Variants in AUTS2 observed in about 807,000 individuals in gnomAD.
AUTS2 encodes the protein autism susceptibility gene 2 protein.
A neutral mutation model predicts 112.4 loss-of-function variants in AUTS2; 17 were observed. That is an observed-to-expected ratio of 0.15 (90% confidence interval 0.10 to 0.23). The LOEUF (loss-of-function observed/expected upper bound fraction) is 0.23. Among genes scored for constraint, AUTS2 ranks in the 10% least tolerant of loss-of-function variants. AUTS2 has a pLI of 1.00. For synonymous variants in AUTS2, 751 were observed against 702.7 expected (o/e 1.07, Z -1.09); for missense variants, 1,510 against 1,701.6 (o/e 0.89, Z 1.98).
intron 1 of AUTS2, among the ~76,000 whole-genome samples, chr7:69,688,144 G>T (rs1797145927): frequency 6.6e-6 from 1 of 152,184 alleles, no homozygotes; most frequent in African/African-American, 2.4e-5. Context: ...AAACAGCCTG[G>T]GTAGGGAGTG....
At chr7:69,698,746 T>G (rs1263415372) in intron 1 of AUTS2, among the ~76,000 whole-genome samples, 2 of 152,170 alleles carry the variant, frequency 1.3e-5, no homozygotes, top group Non-Finnish European at 2.9e-5. Context: ...GGTTGTATTT[T>G]GAGATTTTTA....
At chr7:69,939,060 T>C (rs1796524782) in intron 2 of AUTS2, among the ~76,000 whole-genome samples, 1 of 152,222 alleles carries the variant, frequency 6.6e-6, no homozygotes, top group Non-Finnish European at 1.5e-5. Context: ...TCTTAGACCA[T>C]ATTTGCACAG....
chr7:69,844,795 C>A (rs1792123795), intron 1 of AUTS2, among the ~76,000 whole-genome samples: 1 of 152,134 alleles, frequency 6.6e-6, no homozygotes, highest in Admixed American at 6.5e-5. Flanking sequence ...ATTTAGGAAT[C>A]TTAATCCCTC....
At chr7:69,774,315 G>A (rs564250063) in intron 1 of AUTS2, among the ~76,000 whole-genome samples, 4 of 152,272 alleles carry the variant, frequency 2.6e-5, no homozygotes, top group East Asian at 3.9e-4. Context: ...TAGGAGGATC[G>A]CTTGAACCCA....
intron 5 of AUTS2, among the ~76,000 whole-genome samples, chr7:70,520,307 C>G (rs1799590950): frequency 6.6e-6 from 1 of 152,230 alleles, no homozygotes; most frequent in African/African-American, 2.4e-5. Context: ...AAACCCAAGT[C>G]TGTTGCTGTG....
intron 2 of AUTS2, among the ~76,000 whole-genome samples, chr7:69,947,835 A>T (rs1796875721): frequency 6.6e-6 from 1 of 152,144 alleles, no homozygotes; most frequent in African/African-American, 2.4e-5. Flanking sequence ...TATCTCATTG[A>T]TCTAAGGTAG....
intron 1 of AUTS2, among the ~76,000 whole-genome samples, chr7:69,829,706 G>A (rs1791413811): frequency 6.6e-6 from 1 of 152,160 alleles, no homozygotes; most frequent in Non-Finnish European, 1.5e-5. Context: ...TGCCAAGTCA[G>A]AATGGCCATT....
rs562051256 is a variant in AUTS2, at chr7:70,641,017, T to G, written c.691-57552T>G. On this transcript the variant is annotated intron_variant, in intron 5 of 18. Coordinates refer to ENST00000342771, the MANE Select transcript of AUTS2 (RefSeq NM_015570.4). ...CCATTCAAAGTCATCCACAGTTGCT[T>G]CTTTTTCTCTCTCATTGGTCTAATC... Among the ~76,000 whole-genome samples the G allele has an allele frequency of 1.8e-4, 27 of 152,272 alleles. No individual in the cohort carries two copies. In the East Asian group the frequency reaches 4.1e-3, roughly 23 times the overall value.
chr7:69,688,067 C>G lies in AUTS2; in HGVS notation c.309+88105C>G, dbSNP rs532531436. Among the ~76,000 whole-genome samples the G allele has an allele frequency of 5.3e-5, 8 of 152,296 alleles. No individual in the cohort carries two copies. The East Asian group carries it at 1.3e-3, about 26-fold the overall frequency. On this transcript the variant is annotated intron_variant, in intron 1 of 18. Transcript: ENST00000342771. ...TGATAGCCTGTAACAGTCTGATGGA[C>G]CCATAATGGTGTTTTGAGTAAATAC...
At chr7:70,239,433 A>T (rs1562812184) in intron 4 of AUTS2, among the ~76,000 whole-genome samples, 1 of 151,578 alleles carries the variant, frequency 6.6e-6, no homozygotes, top group African/African-American at 2.4e-5. Context: ...CTGCAACCTA[A>T]TTTTTTTTGT....
At chr7:69,809,233 C>A (rs996121446) in intron 1 of AUTS2, among the ~76,000 whole-genome samples, 2 of 152,142 alleles carry the variant, frequency 1.3e-5, no homozygotes, top group African/African-American at 4.8e-5. Flanking sequence ...CGCCACCACG[C>A]CTGGCTAATT....
intron 2 of AUTS2, among the ~76,000 whole-genome samples, chr7:69,985,156 A>T (rs955207013): frequency 6.7e-6 from 1 of 150,300 alleles, no homozygotes; most frequent in Non-Finnish European, 1.5e-5. Context: ...ACTTGAACCC[A>T]GGAGGTCTAG....
intron 1 of AUTS2, among the ~76,000 whole-genome samples, chr7:69,672,360 G>A (rs952671184): frequency 2.6e-5 from 4 of 152,094 alleles, no homozygotes; most frequent in Non-Finnish European, 5.9e-5. Flanking sequence ...TGCCCTGCTG[G>A]AACTAACTTT....
intron 5 of AUTS2, among the ~76,000 whole-genome samples, chr7:70,438,712 C>T (rs988093515): frequency 3.9e-5 from 6 of 152,218 alleles, no homozygotes; most frequent in Non-Finnish European, 7.3e-5. Flanking sequence ...GTGAAGAAAC[C>T]TCTTGCCTGT....
chr7:70,713,255 A>T (rs1312943259), intron 6 of AUTS2, among the ~76,000 whole-genome samples: 1 of 152,206 alleles, frequency 6.6e-6, no homozygotes, highest in Non-Finnish European at 1.5e-5. Context: ...ACACACACAC[A>T]TACTGGGCAA....
At chr7:69,890,294 C>G (rs1794464163) in intron 1 of AUTS2, among the ~76,000 whole-genome samples, 1 of 152,214 alleles carries the variant, frequency 6.6e-6, no homozygotes, top group African/African-American at 2.4e-5. Flanking sequence ...CCTCATCCCA[C>G]AGCTGAGTTT....
chr7:70,114,974 G>A (rs1399426953), intron 2 of AUTS2, among the ~76,000 whole-genome samples: 1 of 152,140 alleles, frequency 6.6e-6, no homozygotes, highest in African/African-American at 2.4e-5. Flanking sequence ...GCCTGGCTTT[G>A]GAGGAGAAGG....
chr7:70,540,159 G>T (rs1800491265), intron 5 of AUTS2, among the ~76,000 whole-genome samples: 1 of 152,142 alleles, frequency 6.6e-6, no homozygotes. Context: ...TGGAAAATAA[G>T]TGTCTCATAG....
chr7:70,260,511 A>G (rs886719131), intron 4 of AUTS2, among the ~76,000 whole-genome samples: 1 of 152,104 alleles, frequency 6.6e-6, no homozygotes, highest in African/African-American at 2.4e-5. Flanking sequence ...AACAGCTCCA[A>G]GGCAGCACAG....
Sources: allele counts gnomAD v4.1 joint callset (sites outside exome capture counted in the v4.1 genomes callset), GRCh38; gene constraint gnomAD v4.1.1; transcripts MANE v1.5; gene names NCBI Gene and HGNC (gene_info 2026-07-23, HGNC 2026-07-21).